SRPX: variants seen among roughly 807,000 people sequenced by gnomAD.
SRPX encodes the protein sushi repeat-containing protein SRPX.
A neutral mutation model predicts 38.1 loss-of-function variants in SRPX; 24 were observed. The observed-to-expected ratio is 0.63, with a 90% CI of 0.46 to 0.89. The LOEUF (loss-of-function observed/expected upper bound fraction) is 0.89. SRPX is among the 40% of genes least tolerant of loss of function. The pLI is 0.00. For synonymous variants in SRPX, 184 were observed against 153.8 expected (o/e 1.20, Z -1.45); for missense variants, 416 against 377.8 (o/e 1.10, Z -0.84).
intron 1 of SRPX, among the ~76,000 whole-genome samples, chrX:38,205,612 A>G (rs1939193354): frequency 8.9e-6 from 1 of 111,954 alleles, no homozygotes; most frequent in Non-Finnish European, 1.9e-5. Flanking sequence ...TTTCATATTT[A>G]TAGGCTTTAT....
chrX:38,212,687 A>C (rs921779938), intron 1 of SRPX, among the ~76,000 whole-genome samples: 1 of 111,561 alleles, frequency 9.0e-6, no homozygotes. Context: ...TATGGGGTCC[A>C]TAGCTTGTCC....
At position 38,194,867 on chromosome X, in the gene SRPX, T is replaced by G. The variant is rs1938967068; in HGVS notation, c.98-16523A>C. ...TTTTTTGTTTGTTTGTTTTTGGTTT[T>G]TTTTTTTTTTTTTTTTTTTTTTTGA... On this transcript the variant is annotated intron_variant, in intron 1 of 9. Coordinates refer to ENST00000378533, the MANE Select transcript of SRPX (RefSeq NM_006307.5). Among the ~76,000 whole-genome samples, 5 of 82,692 alleles carry G rather than the reference T, an allele frequency of 6.0e-5. No individual in the cohort carries two copies. In the South Asian group the frequency reaches 3.6e-3, roughly 59 times the overall value. The allele number at this position is 82,692 out of a possible 115,157, so 71.8% of individuals were successfully genotyped here. A position where few individuals can be genotyped will look rare whatever the true frequency, so the allele number is the denominator to read the frequency against.
chrX:38,154,607 G>A (rs1769169224), intron 8 of SRPX, 24 bp from the exon 9 acceptor site: 5 of 1,205,804 alleles, frequency 4.1e-6, no homozygotes, highest in Non-Finnish European at 5.6e-6. Context: ...AACCCAACAG[G>A]GGAAGTATGA....
intron 1 of SRPX, among the ~76,000 whole-genome samples, chrX:38,214,544 G>C (rs1415622626): frequency 2.7e-5 from 3 of 111,938 alleles, no homozygotes; most frequent in Non-Finnish European, 5.6e-5. Context: ...GGGGGCATCA[G>C]CTCCGTGAAT....
At chrX:38,163,946 A>G (rs764622898) in intron 5 of SRPX, among the ~76,000 whole-genome samples, 2 of 111,823 alleles carry the variant, frequency 1.8e-5, no homozygotes, top group South Asian at 7.6e-4. Context: ...CAGTGCAGGT[A>G]ATGGCCTGGG....
At chrX:38,215,280 C>T (rs771324444) in intron 1 of SRPX, among the ~76,000 whole-genome samples, 9 of 111,682 alleles carry the variant, frequency 8.1e-5, no homozygotes, top group Non-Finnish European at 1.3e-4. Flanking sequence ...CTAAGGATTA[C>T]GGGTGAGTGA....
At chrX:38,174,493 C>G (rs1458695528) in intron 2 of SRPX, 142 bp from the exon 3 acceptor site, 2 of 377,716 alleles carry the variant, frequency 5.3e-6, no homozygotes, top group African/African-American at 2.6e-5. Context: ...TTAGGTGTCT[C>G]CGGGTAGGGA....
chrX:38,172,114 A>C, intron 3 of SRPX, 57 bp from the exon 4 acceptor site: 1 of 1,134,189 alleles, frequency 8.8e-7, no homozygotes, highest in Non-Finnish European at 1.2e-6. Context: ...ATAGAGTTTC[A>C]TTTCAGAGTC....
chrX:38,164,322 T>C (rs1180793795), intron 5 of SRPX, among the ~76,000 whole-genome samples: 2 of 110,374 alleles, frequency 1.8e-5, no homozygotes, highest in African/African-American at 6.6e-5. Flanking sequence ...TTTGTATTTT[T>C]AGTAGAGATG....
chrX:38,169,725 T>G lies in SRPX; in HGVS notation c.526+2156A>C, dbSNP rs189387572. Among the ~76,000 whole-genome samples the G allele has an allele frequency of 6.9e-4, 77 of 111,832 alleles. No individual in the cohort carries two copies. In the East Asian group the frequency reaches 0.021, roughly 30 times the overall value. On this transcript the variant is annotated intron_variant, in intron 4 of 9. Coordinates refer to ENST00000378533, the MANE Select transcript of SRPX (RefSeq NM_006307.5). ...TCCGTGGTTTTTAAAGTATCTTTAATTTGTTTTCTTCCTGTTTTGGCCTAG... is the reference window on the plus strand; with the variant it reads ...TCCGTGGTTTTTAAAGTATCTTTAAGTTGTTTTCTTCCTGTTTTGGCCTAG...
intron 1 of SRPX, among the ~76,000 whole-genome samples, chrX:38,208,211 A>C (rs979814026): frequency 8.9e-6 from 1 of 111,886 alleles, no homozygotes; most frequent in Non-Finnish European, 1.9e-5. Flanking sequence ...ACAAATCTTA[A>C]GTGTATACAG....
At chrX:38,211,560 T>C (rs188877134) in intron 1 of SRPX, among the ~76,000 whole-genome samples, 1 of 110,278 alleles carries the variant, frequency 9.1e-6, no homozygotes, top group East Asian at 2.9e-4. Context: ...ATTAGATAGG[T>C]GTGGTGGTAC....
chrX:38,200,101 C>T (rs1325580922), intron 1 of SRPX, among the ~76,000 whole-genome samples: 1 of 112,106 alleles, frequency 8.9e-6, no homozygotes, highest in Non-Finnish European at 1.9e-5. Flanking sequence ...GAATAGAAAG[C>T]TGAGCCAAAC....
At chrX:38,156,601 G>C (rs931051673) in intron 8 of SRPX, among the ~76,000 whole-genome samples, 1 of 112,557 alleles carries the variant, frequency 8.9e-6, no homozygotes, top group African/African-American at 3.2e-5. Flanking sequence ...TCCTGGACAG[G>C]TTTGGCAAAG....
intron 1 of SRPX, among the ~76,000 whole-genome samples, chrX:38,188,082 G>T (rs1278609532): frequency 9.0e-6 from 1 of 111,505 alleles, no homozygotes; most frequent in Non-Finnish European, 1.9e-5. Context: ...TTCTTCCTTG[G>T]ATTCCTTACA....
chrX:38,149,653 C>A lies in SRPX; in HGVS notation c.*58G>T. 1 of 1,051,334 alleles carries A rather than the reference C, an allele frequency of 9.5e-7. No homozygotes were observed. Among genetic ancestry groups the A allele is most frequent in the Non-Finnish European group, 1.3e-6 (1 of 785,900 alleles). The allele number at this position is 1,051,334 out of a possible 1,213,427, so 86.6% of individuals were successfully genotyped here. ...ATCAAGGATATTTTTAAGGCTTTCC[C>A]GTGTGCATGTCACTATGTAGACAAT... On this transcript the variant is annotated 3_prime_UTR_variant, in exon 10 of 10. Coordinates refer to ENST00000378533, the MANE Select transcript of SRPX (RefSeq NM_006307.5).
intron 1 of SRPX, among the ~76,000 whole-genome samples, chrX:38,183,960 CT>C (rs59505894): frequency 1.8e-5 from 2 of 110,378 alleles, no homozygotes; most frequent in African/African-American, 6.6e-5. Flanking sequence ...AATAGCCACT[CT>C]TTTTTTTTCC....
In SRPX at chrX:38,181,082, C is replaced by T. The variant is rs138743867; in HGVS notation, c.98-2738G>A. Among the ~76,000 whole-genome samples the T allele has an allele frequency of 6.2e-5, 7 of 112,303 alleles. No individual in the cohort carries two copies. The East Asian group carries it at 1.7e-3, about 27-fold the overall frequency. Reference sequence around the variant, plus strand: ...CAAAGATATGTACGGTAATTTTTAACAAAGCAAGGAGACCTCTTACCCTTT... The same window carrying T: ...CAAAGATATGTACGGTAATTTTTAATAAAGCAAGGAGACCTCTTACCCTTT... On this transcript the variant is annotated intron_variant, in intron 1 of 9. Transcript: ENST00000378533.
At chrX:38,215,556 C>T (rs181167177) in intron 1 of SRPX, among the ~76,000 whole-genome samples, 53 of 112,467 alleles carry the variant, frequency 4.7e-4, no homozygotes, top group African/African-American at 1.4e-3. Context: ...TGCCCTGATT[C>T]GTTGCCTGTC....
Sources: gnomAD v4.1 joint callset for allele counts (sites outside exome capture counted in the v4.1 genomes callset) on GRCh38, gnomAD v4.1.1 for gene constraint, MANE v1.5 for transcripts, NCBI Gene and HGNC (gene_info 2026-07-23, HGNC 2026-07-21) for gene names.